The following OR6N2 variants were observed in gnomAD, a reference collection of about 807,000 sequenced individuals.
OR6N2 encodes olfactory receptor 6N2.
For missense variants in OR6N2, 399 were observed against 379.7 expected, an observed-to-expected ratio of 1.05 and a Z score of -0.42; for synonymous variants, 160 against 138.3, an observed-to-expected ratio of 1.16 and a Z score of -1.10.
rs945846983 is a variant in OR6N2 at position 158,776,525 on chromosome 1, T to C, written c.*157A>G. The C allele has an allele frequency of 4.5e-5, 22 of 490,758 alleles. No individual in the cohort carries two copies. Among genetic ancestry groups the C allele is most frequent in the African/African-American group, 4.0e-4 (20 of 50,362 alleles). 30.4% of individuals were successfully genotyped at this position (490,758 alleles called of 1,614,324 possible). ...CTGACATAAGTGATCGAGTAAAAAA[T>C]AGAAATAAAGATGTAGAAAATGAGA... On this transcript the variant is annotated 3_prime_UTR_variant, in exon 2 of 2. Coordinates refer to ENST00000641131, the MANE Select transcript of OR6N2 (RefSeq NM_001005278.2).
chr1:158,775,459 G>T lies in OR6N2; in HGVS notation c.*1223C>A, dbSNP rs1657568701. On this transcript the variant is annotated 3_prime_UTR_variant, in exon 2 of 2. Coordinates refer to ENST00000641131, the MANE Select transcript of OR6N2 (RefSeq NM_001005278.2). ...CTATGTTGAAGAGGAAGGCAGGGAA[G>T]AATTCCGTTTATAGCCTTATAAAGT... 1 of 152,140 alleles carries T rather than the reference G, an allele frequency of 6.6e-6. No individual in the cohort carries two copies. Among genetic ancestry groups the T allele is most frequent in the Non-Finnish European group, 1.5e-5 (1 of 68,024 alleles). 9.4% of individuals were successfully genotyped at this position (152,140 alleles called of 1,614,324 possible). A position where few individuals can be genotyped will look rare whatever the true frequency, so the allele number is the denominator to read the frequency against.
chr1:158,777,410 T>G lies in OR6N2; in HGVS notation c.226A>C (p.Thr76Pro). 1 of 1,614,126 alleles carries G rather than the reference T, an allele frequency of 6.2e-7. No individual in the cohort carries two copies. The highest frequency in any genetic ancestry group is 1.1e-5 in the South Asian group (1 of 91,074). ...TTAGACAACATCTTAGGGATAGTGG[T>G]AGCTGTATACCACAACTCCAAGAAG... ...LSFLELWYTA[T>P]TIPKMLSNIL... The change falls in exon 2 of 2, where the codon ACC becomes CCC. Residue 76 changes from threonine (T) to proline (P), a missense_variant. Thr to Pro is a conservative substitution (Grantham distance 38). Transcript: ENST00000641131.
rs759880571 is a variant in OR6N2 at position 158,776,971 on chromosome 1, A to G, written c.665T>C (p.Ile222Thr). Residue 222 changes from isoleucine (I) to threonine (T), a missense_variant, in exon 2 of 2, where the codon ATT becomes ACT. Physicochemically the swap from Ile to Thr is moderately conservative, Grantham distance 89. Coordinates refer to ENST00000641131, the MANE Select transcript of OR6N2 (RefSeq NM_001005278.2). Reference protein sequence around the residue: ...FFIMISYARIIGAVLKIKTAS... With the variant: ...FFIMISYARITGAVLKIKTAS... ...TGTTTTTATCTTCAGCACAGCCCCA[A>G]TGATCCTTGCATAAGAAATCATGAT... The G allele has an allele frequency of 1.1e-5, 17 of 1,614,072 alleles. No homozygotes were observed. The highest frequency in any genetic ancestry group is 1.6e-4 in the Middle Eastern group (1 of 6,084).
chr1:158,778,110 G>A lies in OR6N2; in HGVS notation c.-6-469C>T, dbSNP rs191247528. On this transcript the variant is annotated intron_variant, in intron 1 of 1. Transcript: ENST00000641131. ...GTAAAGACTTAAAGAGTGAATTTTGGGTATGAGATTAATGTAGTAGCAAAT... is the reference window on the plus strand; with the variant it reads ...GTAAAGACTTAAAGAGTGAATTTTGAGTATGAGATTAATGTAGTAGCAAAT... 2.1e-3 allele frequency among the ~76,000 whole-genome samples: 320 copies of A among 152,150 alleles called. 7 individuals are homozygous for A. The highest frequency in any genetic ancestry group is 6.9e-3 in the African/African-American group (288 of 41,490).
chr1:158,780,653 G>A (rs1657729473), intron 1 of OR6N2, among the ~76,000 whole-genome samples: 1 of 152,120 alleles, frequency 6.6e-6, no homozygotes, highest in Admixed American at 6.5e-5. Context: ...TTTATAATAA[G>A]GTATTGAATA....
At position 158,778,212 on chromosome 1, in the gene OR6N2, AG is replaced by A. The variant is rs1657658845; in HGVS notation, c.-6-572del. On this transcript the variant is annotated intron_variant, in intron 1 of 1. Transcript: ENST00000641131. ...GTCAGGCAGAAAGAACACAAAATTC[AG>A]CAAGGTACAATCTCTGCCACCAGGC... Among the ~76,000 whole-genome samples the A allele has an allele frequency of 3.3e-5, 5 of 152,238 alleles. No individual in the cohort carries two copies. The South Asian group carries it at 1.0e-3, about 31-fold the overall frequency.
rs755819659 is a variant in OR6N2 at position 158,777,063 on chromosome 1, G to A, written c.573C>T (p.Asp191=). The A allele has an allele frequency of 6.2e-7, 1 of 1,614,078 alleles. No individual in the cohort carries two copies. The highest frequency in any genetic ancestry group is 2.2e-5 in the East Asian group (1 of 44,876). The change falls in exon 2 of 2, where the codon GAC becomes GAT. Residue 191 remains aspartate (D), a synonymous_variant. Coordinates refer to ENST00000641131, the MANE Select transcript of OR6N2 (RefSeq NM_001005278.2). The part of the protein sequence containing the change: ...FPPLLSLACK[D]TSANILVDFA... The stretch of plus-strand genomic sequence containing the variant: ...AGTCCACCAGAATGTTAGCAGATGT[G>A]TCCTTGCAGGCCAAGCTCAGCAAAG...
Position 158,777,569 on chromosome 1 carries a change from C to A in OR6N2, c.67G>T (p.Val23Phe), listed in dbSNP as rs112622134. The change falls in exon 2 of 2, where the codon GTC (valine) becomes TTC (phenylalanine). Residue 23 changes from valine to phenylalanine, a missense_variant. By Grantham distance (50) the Val-to-Phe change is conservative. Transcript: ENST00000641131. ...AGCAGGACAAAAAGCCAGCCCCTGA[C>A]ATAGCCCACACTGGCAAAGCCAAGG... is the stretch of plus-strand genomic sequence containing the variant. ...VFLGFASVGY[V>F]RGWLFVLLLL... 3.1e-6 allele frequency: 5 copies of A among 1,614,068 alleles called. No homozygotes were observed. The highest frequency in any genetic ancestry group is 1.3e-5 in the African/African-American group (1 of 75,028).
chr1:158,775,115 T>A lies in OR6N2; in HGVS notation c.*1567A>T, dbSNP rs1385079776. On this transcript the variant is annotated 3_prime_UTR_variant, in exon 2 of 2. Transcript: ENST00000641131. ...ACTTGTAGGAAAGAATGACAAACTATATCTATGTATATATACATAAATGTC... is the reference window on the plus strand; with the variant it reads ...ACTTGTAGGAAAGAATGACAAACTAAATCTATGTATATATACATAAATGTC... 1.3e-5 allele frequency: 2 copies of A among 152,230 alleles called. No homozygotes were observed. The highest frequency in any genetic ancestry group is 2.9e-5 in the Non-Finnish European group (2 of 68,042). 9.4% of individuals were successfully genotyped at this position (152,230 alleles called of 1,614,324 possible).
chr1:158,776,571 C>T lies in OR6N2; in HGVS notation c.*111G>A. ...TGAGAAAATCATAAAGAAATGAAGTCTTTGAAGAGGTGAAAGGAAATGAAA... is the reference window on the plus strand; with the variant it reads ...TGAGAAAATCATAAAGAAATGAAGTTTTTGAAGAGGTGAAAGGAAATGAAA... On this transcript the variant is annotated 3_prime_UTR_variant, in exon 2 of 2. Transcript: ENST00000641131. 3.3e-6 allele frequency: 2 copies of T among 597,060 alleles called. No individual in the cohort carries two copies. Among genetic ancestry groups the T allele is most frequent in the Non-Finnish European group, 5.8e-6 (2 of 344,518 alleles). 37.0% of individuals were successfully genotyped at this position (597,060 alleles called of 1,614,324 possible). A position where few individuals can be genotyped will look rare whatever the true frequency, so the allele number is the denominator to read the frequency against.
chr1:158,775,229 T>C lies in OR6N2; in HGVS notation c.*1453A>G, dbSNP rs1283968522. On this transcript the variant is annotated 3_prime_UTR_variant, in exon 2 of 2. Coordinates refer to ENST00000641131, the MANE Select transcript of OR6N2 (RefSeq NM_001005278.2). ...TGAGTGACATAAATTAGACTGAGTG[T>C]TCAGAAGTCCTCTCAAAGCTAGCAT... is the stretch of plus-strand genomic sequence containing the variant. 2.6e-5 allele frequency: 4 copies of C among 152,192 alleles called. No individual in the cohort carries two copies. Among genetic ancestry groups the C allele is most frequent in the Non-Finnish European group, 5.9e-5 (4 of 68,036 alleles). The allele number at this position is 152,192 out of a possible 1,614,324, so 9.4% of individuals were successfully genotyped here.
At chr1:158,778,241 C>T (rs549748697) in intron 1 of OR6N2, among the ~76,000 whole-genome samples, 1 of 152,292 alleles carries the variant, frequency 6.6e-6, no homozygotes, top group East Asian at 1.9e-4. Flanking sequence ...CACCAGGCAG[C>T]TTACAACCCT....
Position 158,777,036 on chromosome 1 carries a change from A to C in OR6N2, c.600T>G (p.Phe200Leu), listed in dbSNP as rs762029103. Residue 200 changes from phenylalanine (F) to leucine (L), a missense_variant, in exon 2 of 2, where the codon TTT becomes TTG. Transcript: ENST00000641131. ...KDTSANILVD[F>L]AINAFIILIT... is the part of the protein sequence containing the mutation. ...TAAGAATTATGAAAGCATTAATGGC[A>C]AAGTCCACCAGAATGTTAGCAGATG... The C allele has an allele frequency of 6.2e-7, 1 of 1,614,060 alleles. No individual in the cohort carries two copies. The highest frequency in any genetic ancestry group is 1.3e-5 in the African/African-American group (1 of 74,932).
intron 1 of OR6N2, among the ~76,000 whole-genome samples, chr1:158,779,965 A>T (rs1657708350): frequency 1.3e-5 from 2 of 152,180 alleles, no homozygotes; most frequent in Admixed American, 6.5e-5. Flanking sequence ...TTCCCTGCTG[A>T]TGCCTGGAAC....
At position 158,776,974 on chromosome 1, in the gene OR6N2, A is replaced by T; in HGVS notation, c.662T>A (p.Ile221Asn). ...TTTTATCTTCAGCACAGCCCCAATG[A>T]TCCTTGCATAAGAAATCATGATAAA... Reference protein sequence around the residue: ...FFFIMISYARIIGAVLKIKTA... With the variant: ...FFFIMISYARNIGAVLKIKTA... Residue 221 changes from isoleucine (I) to asparagine (N), a missense_variant, in exon 2 of 2, where the codon ATC (isoleucine) becomes AAC (asparagine). Transcript: ENST00000641131. 6.2e-7 allele frequency: 1 copy of T among 1,614,142 alleles called. No homozygotes were observed. Among genetic ancestry groups the T allele is most frequent in the Non-Finnish European group, 8.5e-7 (1 of 1,180,026 alleles).
Position 158,777,215 on chromosome 1 carries a change from A to G in OR6N2, c.421T>C (p.Cys141Arg), listed in dbSNP as rs747475129. ...CAACAAGCAGCAGCCATCTTGGCAC[A>G]GAGTGTGGTGGTCATAATTATAGGG... ...HYPIIMTTTL[C>R]AKMAAACWTC... Residue 141 changes from cysteine to arginine, a missense_variant, in exon 2 of 2, where the codon TGT becomes CGT. Coordinates refer to ENST00000641131, the MANE Select transcript of OR6N2 (RefSeq NM_001005278.2). 5.0e-6 allele frequency: 8 copies of G among 1,614,044 alleles called. No individual in the cohort carries two copies. In the African/African-American group the frequency reaches 1.1e-4, roughly 22 times the overall value.
At position 158,776,609 on chromosome 1, in the gene OR6N2, G is replaced by T; in HGVS notation, c.*73C>A. On this transcript the variant is annotated 3_prime_UTR_variant, in exon 2 of 2. Coordinates refer to ENST00000641131, the MANE Select transcript of OR6N2 (RefSeq NM_001005278.2). Reference sequence around the variant, plus strand: ...AAAGGAAATGAAATTCAGAGCATGTGTGATGATGGGAAGATTACTCAAGGA... The same window carrying T: ...AAAGGAAATGAAATTCAGAGCATGTTTGATGATGGGAAGATTACTCAAGGA... The T allele has an allele frequency of 1.2e-6, 1 of 800,472 alleles. No individual in the cohort carries two copies. The highest frequency in any genetic ancestry group is 2.0e-6 in the Non-Finnish European group (1 of 491,584). The allele number at this position is 800,472 out of a possible 1,614,324, so 49.6% of individuals were successfully genotyped here.
chr1:158,778,954 G>C (rs1313441832), intron 1 of OR6N2, among the ~76,000 whole-genome samples: 22 of 145,842 alleles, frequency 1.5e-4, no homozygotes, highest in Admixed American at 2.8e-4. Flanking sequence ...GGGAGGTGGA[G>C]CTTGCAGTGA....
In OR6N2 at chr1:158,778,448, G is replaced by A. The variant is rs371625608; in HGVS notation, c.-6-807C>T. 5.2e-4 allele frequency among the ~76,000 whole-genome samples: 79 copies of A among 152,144 alleles called. 1 individual carries two copies. Among genetic ancestry groups the A allele is most frequent in the African/African-American group, 1.8e-3 (76 of 41,512 alleles). On this transcript the variant is annotated intron_variant, in intron 1 of 1. Coordinates refer to ENST00000641131, the MANE Select transcript of OR6N2 (RefSeq NM_001005278.2). ...TATTTCAGACAAAAATAAAAGCATC[G>A]AGCAGCAAGCAGCTCACATGAAGGA... is the stretch of plus-strand genomic sequence containing the variant.
Sources: gnomAD v4.1 joint callset for allele counts (sites outside exome capture counted in the v4.1 genomes callset) on GRCh38, gnomAD v4.1.1 for gene constraint, MANE v1.5 for transcripts, NCBI Gene and HGNC (gene_info 2026-07-23, HGNC 2026-07-21) for gene names.